LRRC69: variants seen among roughly 807,000 people sequenced by gnomAD.
LRRC69 encodes leucine-rich repeat-containing protein 69.
Under a neutral mutation model 37.8 loss-of-function variants are expected in LRRC69, and 42 were observed. The ratio of observed to expected loss-of-function variants is 1.11; its 90% confidence interval spans 0.87 to 1.44. The LOEUF is 1.44. Among genes scored for constraint, LRRC69 ranks in the 40% most tolerant of loss-of-function variants. LRRC69 has a pLI of 0.00. For missense variants in LRRC69, 357 were observed against 401.9 expected, an observed-to-expected ratio of 0.89 and a Z score of 0.96; for synonymous variants, 141 against 143.1, an observed-to-expected ratio of 0.99 and a Z score of 0.11.
intron 5 of LRRC69, chr8:91,157,921 G>T: frequency 1.3e-6 from 2 of 1,534,260 alleles, no homozygotes; most frequent in African/African-American, 1.4e-5. Flanking sequence ...AGAAAGTTGT[G>T]TATCGGCAGT....
chr8:91,147,437 T>C (rs767726806), intron 5 of LRRC69, among the ~76,000 whole-genome samples: 3 of 151,326 alleles, frequency 2.0e-5, no homozygotes, highest in Non-Finnish European at 2.9e-5. Context: ...CTGACTATTC[T>C]TTTTTTCTCT....
chr8:91,140,926 TACAGGCGTGAGCCACCGCGCCCGG>T lies in LRRC69; in HGVS notation c.651+5188_651+5211del, dbSNP rs1563602080. ...CCTCGGCCTCCCAAAGTGCTGGGAT[TACAGGCGTGAGCCACCGCGCCCGG>T]CCTCAATATGTGATTTTTAATCATT... On this transcript the variant is annotated intron_variant, in intron 5 of 7. Transcript: ENST00000448384. Among the ~76,000 whole-genome samples, 8 of 149,074 alleles carry T rather than the reference TACAGGCGTGAGCCACCGCGCCCGG, an allele frequency of 5.4e-5. 1 individual carries two copies. Among genetic ancestry groups the T allele is most frequent in the African/African-American group, 7.4e-5 (3 of 40,416 alleles).
At chr8:91,105,534 T>C (rs1330253541) in intron 1 of LRRC69, among the ~76,000 whole-genome samples, 1 of 151,544 alleles carries the variant, frequency 6.6e-6, no homozygotes, top group East Asian at 1.9e-4. Context: ...AAAATAAAAA[T>C]TAGCCAGGCA....
chr8:91,190,698 A>C (rs1422556701), intron 6 of LRRC69, among the ~76,000 whole-genome samples: 6 of 152,274 alleles, frequency 3.9e-5, no homozygotes, highest in African/African-American at 1.4e-4. Context: ...AATATTTTTA[A>C]CTACTTCCCC....
At chr8:91,206,681 T>A in intron 7 of LRRC69, 2 of 1,289,258 alleles carry the variant, frequency 1.6e-6, no homozygotes, top group Non-Finnish European at 2.0e-6. Context: ...TTATTTCATG[T>A]CTCTCTTTCA....
chr8:91,139,797 A>T (rs186182680), intron 5 of LRRC69, among the ~76,000 whole-genome samples: 2 of 151,824 alleles, frequency 1.3e-5, no homozygotes, highest in Admixed American at 6.6e-5. Context: ...TTTCTAAAAA[A>T]GTACCATCTG....
At chr8:91,179,898 C>T (rs1486653714) in intron 5 of LRRC69, among the ~76,000 whole-genome samples, 1 of 152,116 alleles carries the variant, frequency 6.6e-6, no homozygotes, top group Non-Finnish European at 1.5e-5. Context: ...ATGTGTAGGT[C>T]TACAGCTTGA....
intron 5 of LRRC69, among the ~76,000 whole-genome samples, chr8:91,173,942 A>AC (rs11446380): frequency 0.034 from 4,743 of 139,068 alleles, 234 homozygotes; most frequent in African/African-American, 0.12. Context: ...TGAAAAAAAA[A>AC]GAAGAAAAAA....
intron 7 of LRRC69, among the ~76,000 whole-genome samples, chr8:91,206,539 C>T (rs1809808326): frequency 6.6e-6 from 1 of 152,140 alleles, no homozygotes; most frequent in Non-Finnish European, 1.5e-5. Context: ...TACAGCGTGT[C>T]AGATTACTCG....
chr8:91,111,974 G>A (rs1017456640), intron 1 of LRRC69, among the ~76,000 whole-genome samples: 1 of 151,846 alleles, frequency 6.6e-6, no homozygotes, highest in African/African-American at 2.4e-5. Context: ...CTATGCAAAT[G>A]CAAAAGGAGG....
chr8:91,181,269 A>G (rs1236103295), intron 5 of LRRC69, among the ~76,000 whole-genome samples: 1 of 152,176 alleles, frequency 6.6e-6, no homozygotes, highest in Non-Finnish European at 1.5e-5. Flanking sequence ...GACAATAATT[A>G]TATAACTGAA....
Position 91,218,848 on chromosome 8 carries a change from T to C in LRRC69, c.934-42T>C, listed in dbSNP as rs116882579. 662 of 1,264,674 alleles carry C rather than the reference T, an allele frequency of 5.2e-4. 8 individuals are homozygous for C. Among genetic ancestry groups the C allele is most frequent in the South Asian group, 4.4e-3 (319 of 73,188 alleles). 78.3% of individuals were successfully genotyped at this position (1,264,674 alleles called of 1,614,324 possible). A position where few individuals can be genotyped will look rare whatever the true frequency, so the allele number is the denominator to read the frequency against. ...TATTTATTTTAATGAAAAATACTTA[T>C]TGAACACTGCCTAAATTTTATTTTT... On this transcript the variant is annotated intron_variant, in intron 7 of 7. Coordinates refer to ENST00000448384, the Ensembl canonical transcript of LRRC69.
chr8:91,219,075 T>A, downstream of LRRC69: 1 of 660,864 alleles, frequency 1.5e-6, no homozygotes, highest in Non-Finnish European at 2.5e-6. Context: ...ATGCCCTACT[T>A]AAGATACCAT....
chr8:91,102,919 G>A (rs1813246689), intron 1 of LRRC69, 75 bp downstream of exon 1: 1 of 1,352,308 alleles, frequency 7.4e-7, no homozygotes, highest in Non-Finnish European at 1.0e-6. Context: ...AGGGGTAAGA[G>A]ACAGAACAAT....
At chr8:91,113,972 CAAAAA>C (rs34806474) in intron 1 of LRRC69, among the ~76,000 whole-genome samples, 16 of 60,486 alleles carry the variant, frequency 2.6e-4, no homozygotes, top group African/African-American at 1.2e-3. Flanking sequence ...AGACTTGTCT[CAAAAA>C]AAAAAAAAAA....
chr8:91,177,875 G>T (rs1162842534), intron 5 of LRRC69, among the ~76,000 whole-genome samples: 11 of 132,710 alleles, frequency 8.3e-5, no homozygotes, highest in African/African-American at 3.3e-4. Context: ...TTGAGACAGA[G>T]TCTTGCTGTG....
intron 5 of LRRC69, chr8:91,139,161 T>TA (rs1263567870): frequency 6.6e-6 from 1 of 151,990 alleles, no homozygotes; most frequent in African/African-American, 2.4e-5. Flanking sequence ...TATTTTAACT[T>TA]AAAAAAATAA....
intron 7 of LRRC69, 33 bp downstream of exon 7, chr8:91,200,825 A>ACT: frequency 6.7e-7 from 1 of 1,485,384 alleles, no homozygotes; most frequent in East Asian, 2.6e-5. Flanking sequence ...ATATGAGCAT[A>ACT]ATACTGATTC....
At chr8:91,152,309 G>C (rs1393975649) in intron 5 of LRRC69, among the ~76,000 whole-genome samples, 2 of 151,642 alleles carry the variant, frequency 1.3e-5, no homozygotes, top group East Asian at 1.9e-4. Context: ...TTTTGCATAA[G>C]GTGTAAGGAA....
Sources: allele counts gnomAD v4.1 joint callset (sites outside exome capture counted in the v4.1 genomes callset), GRCh38; gene constraint gnomAD v4.1.1; transcripts MANE v1.5; gene names NCBI Gene and HGNC (gene_info 2026-07-23, HGNC 2026-07-21).